NEGR1: variants seen among roughly 807,000 people sequenced by gnomAD.
NEGR1 encodes IgLON family member 4.
NEGR1 carries 10 observed loss-of-function variants against 40.9 expected under a neutral mutation model. The observed-to-expected ratio is 0.24, with a 90% CI of 0.15 to 0.42. The LOEUF is 0.42. NEGR1 is among the 10% of genes least tolerant of loss of function. The pLI is 1.00. For missense variants in NEGR1, 352 were observed against 438.9 expected, an observed-to-expected ratio of 0.80 and a Z score of 1.77; for synonymous variants, 185 against 166.8, an observed-to-expected ratio of 1.11 and a Z score of -0.84.
intron 6 of NEGR1, chr1:71,486,837 C>G (rs1000943869): frequency 1.3e-5 from 2 of 151,254 alleles, no homozygotes; most frequent in African/African-American, 2.4e-5. Context: ...GTAAATAATA[C>G]CTAACAAGGC....
At chr1:72,110,091 C>T (rs1291227467) in intron 1 of NEGR1, among the ~76,000 whole-genome samples, 1 of 151,310 alleles carries the variant, frequency 6.6e-6, no homozygotes, top group Admixed American at 6.6e-5. Context: ...AACTGTAAAA[C>T]ATCAGGAGAT....
chr1:71,459,124 G>T (rs1248197433), intron 6 of NEGR1, among the ~76,000 whole-genome samples: 2 of 151,994 alleles, frequency 1.3e-5, no homozygotes, highest in Non-Finnish European at 2.9e-5. Context: ...TAAAAATTAA[G>T]TTCTCCCCTA....
chr1:71,470,770 A>T (rs1646777270), intron 6 of NEGR1, among the ~76,000 whole-genome samples: 1 of 152,170 alleles, frequency 6.6e-6, no homozygotes, highest in Non-Finnish European at 1.5e-5. Flanking sequence ...AGTTGCGAGA[A>T]GGATCTGCTT....
At chr1:71,488,311 TAC>T (rs1646901775) in intron 6 of NEGR1, among the ~76,000 whole-genome samples, 1 of 151,820 alleles carries the variant, frequency 6.6e-6, no homozygotes, top group Non-Finnish European at 1.5e-5. Flanking sequence ...TGAGAAAGGA[TAC>T]AGTGTTCTGG....
At chr1:72,225,906 A>C (rs1009271719) in intron 1 of NEGR1, among the ~76,000 whole-genome samples, 6 of 151,888 alleles carry the variant, frequency 4.0e-5, no homozygotes, top group African/African-American at 1.4e-4. Context: ...TTATTTTTGA[A>C]GATAATGTTT....
In NEGR1 at chr1:71,928,316, G is replaced by GTATATATGTATATATACACACATATA. The variant is rs1645811104; in HGVS notation, c.409+6762_409+6763insTATATGTGTGTATATATACATATATA. Among the ~76,000 whole-genome samples, 4 of 99,026 alleles carry GTATATATGTATATATACACACATATA rather than the reference G, an allele frequency of 4.0e-5. 1 individual carries two copies. The highest frequency in any genetic ancestry group is 1.5e-4 in the African/African-American group (4 of 27,160). The allele number at this position is 99,026 out of a possible 152,430, so 65.0% of individuals were successfully genotyped here. Reference sequence around the variant, plus strand: ...TATATATGTATATATACACACATATGTATATACGTATATATGTATATATAC... The same window carrying GTATATATGTATATATACACACATATA: ...TATATATGTATATATACACACATATGTATATATGTATATATACACACATATATATATACGTATATATGTATATATAC... On this transcript the variant is annotated intron_variant, in intron 2 of 6. Transcript: ENST00000357731.
chr1:71,768,419 G>T (rs1656204196), intron 3 of NEGR1, among the ~76,000 whole-genome samples: 1 of 152,124 alleles, frequency 6.6e-6, no homozygotes, highest in Non-Finnish European at 1.5e-5. Flanking sequence ...TTTCAGAAAT[G>T]CATAGGGCCT....
chr1:71,554,350 A>G (rs963082267), intron 6 of NEGR1, among the ~76,000 whole-genome samples: 2 of 151,464 alleles, frequency 1.3e-5, no homozygotes, highest in African/African-American at 4.8e-5. Flanking sequence ...TTTTTTTAGA[A>G]TGGAATATTA....
intron 1 of NEGR1, among the ~76,000 whole-genome samples, chr1:72,223,776 A>C (rs1372099403): frequency 1.3e-5 from 2 of 152,194 alleles, no homozygotes; most frequent in African/African-American, 4.8e-5. Flanking sequence ...ACTATTTATT[A>C]AGTCAAATAT....
chr1:71,813,339 A>T (rs747029157), intron 2 of NEGR1, among the ~76,000 whole-genome samples: 1 of 151,946 alleles, frequency 6.6e-6, no homozygotes, highest in African/African-American at 2.4e-5. Context: ...CTGTAGCCTT[A>T]TAGGATAATT....
At chr1:71,630,151 C>G (rs919093060) in intron 4 of NEGR1, among the ~76,000 whole-genome samples, 1 of 151,870 alleles carries the variant, frequency 6.6e-6, no homozygotes, top group African/African-American at 2.4e-5. Flanking sequence ...ATTTATTGGA[C>G]TAAAAATCTT....
chr1:71,940,676 T>C (rs1645950391), intron 1 of NEGR1, among the ~76,000 whole-genome samples: 1 of 152,152 alleles, frequency 6.6e-6, no homozygotes. Flanking sequence ...GAAGTCCCAT[T>C]GGGTGAGATG....
chr1:71,557,336 T>C (rs1254455316), intron 6 of NEGR1, among the ~76,000 whole-genome samples: 1 of 151,570 alleles, frequency 6.6e-6, no homozygotes, highest in East Asian at 2.0e-4. Flanking sequence ...TATGGCGAAG[T>C]CTGGGAAATT....
chr1:72,228,969 A>G (rs755727261), intron 1 of NEGR1, among the ~76,000 whole-genome samples: 5 of 152,102 alleles, frequency 3.3e-5, no homozygotes, highest in African/African-American at 7.2e-5. Flanking sequence ...ATTTTTAAAA[A>G]TGTCAAAGAA....
At chr1:71,693,009 A>G (rs907377488) in intron 4 of NEGR1, among the ~76,000 whole-genome samples, 1 of 151,710 alleles carries the variant, frequency 6.6e-6, no homozygotes, top group African/African-American at 2.4e-5. Context: ...TTTTCACCTT[A>G]GTCTGGTTGG....
At chr1:71,538,494 C>T (rs1003198265) in intron 6 of NEGR1, among the ~76,000 whole-genome samples, 1 of 151,666 alleles carries the variant, frequency 6.6e-6, no homozygotes, top group Non-Finnish European at 1.5e-5. Context: ...AAAGCTCTGA[C>T]TCCCAGTCAT....
intron 1 of NEGR1, among the ~76,000 whole-genome samples, chr1:72,135,454 C>T (rs1264572218): frequency 6.7e-6 from 1 of 148,776 alleles, no homozygotes; most frequent in African/African-American, 2.5e-5. Flanking sequence ...TAACTTTCTT[C>T]CAGACACATG....
intron 2 of NEGR1, among the ~76,000 whole-genome samples, chr1:71,834,655 AATTGTGTGGGCCAATTCCTACTG>A (rs1347041398): frequency 2.0e-5 from 3 of 151,920 alleles, no homozygotes; most frequent in Non-Finnish European, 2.9e-5. Context: ...CAGCCTCCAT[AATTGTGTGGGCCAATTCCTACTG>A]ATTGTGCTTC....
chr1:71,799,501 A>G (rs892093021), intron 2 of NEGR1, among the ~76,000 whole-genome samples: 1 of 152,188 alleles, frequency 6.6e-6, no homozygotes, highest in African/African-American at 2.4e-5. Context: ...GTTACAGTAA[A>G]CATAGGTGAG....
Sources: gnomAD v4.1 joint callset for allele counts (sites outside exome capture counted in the v4.1 genomes callset) on GRCh38, gnomAD v4.1.1 for gene constraint, MANE v1.5 for transcripts, NCBI Gene and HGNC (gene_info 2026-07-23, HGNC 2026-07-21) for gene names.